The following EBLN2 variants were observed in gnomAD, a reference collection of about 807,000 sequenced individuals.
EBLN2 encodes the protein endogenous Bornavirus-like nucleoprotein 2.
For synonymous variants in EBLN2, 131 were observed against 113.6 expected, an observed-to-expected ratio of 1.15 and a Z score of -0.97; for missense variants, 397 against 324.2, an observed-to-expected ratio of 1.22 and a Z score of -1.72.
In EBLN2 at chr3:73,062,621, A is replaced by G. The variant is rs1053014590; in HGVS notation, c.540A>G (p.Ser180=). The change falls in exon 1 of 1, where the codon TCA becomes TCG. Residue 180 remains serine, a synonymous_variant. Coordinates refer to ENST00000533473, the MANE Select transcript of EBLN2 (RefSeq NM_018029.4). The part of the protein sequence containing the change: ...DMPNFIALEK[S]SVLRHCCDLL... ...CTAACTTTATTGCCCTTGAGAAGTC[A>G]TCAGTTCTCCGCCACTGCTGTGACC... is the stretch of plus-strand genomic sequence containing the variant. The G allele has an allele frequency of 6.2e-7, 1 of 1,614,032 alleles. No homozygotes were observed. Among genetic ancestry groups the G allele is most frequent in the Non-Finnish European group, 8.5e-7 (1 of 1,179,898 alleles).
At position 73,062,069 on chromosome 3, in the gene EBLN2, A is replaced by G. The variant is rs753124726; in HGVS notation, c.-13A>G. The G allele has an allele frequency of 2.6e-6, 4 of 1,513,374 alleles. No individual in the cohort carries two copies. The African/African-American group carries it at 5.6e-5, about 21-fold the overall frequency. The allele number at this position is 1,513,374 out of a possible 1,614,324, so 93.7% of individuals were successfully genotyped here. A position where few individuals can be genotyped will look rare whatever the true frequency, so the allele number is the denominator to read the frequency against. On this transcript the variant is annotated 5_prime_UTR_variant, in exon 1 of 1. Coordinates refer to ENST00000533473, the MANE Select transcript of EBLN2 (RefSeq NM_018029.4). ...TGGTAAAGAAGTGCAGAGTCAAGTC[A>G]TAGCGACTAATAATGGGTTATTTTC...
Position 73,062,890 on chromosome 3 carries a change from A to C in EBLN2, c.809A>C (p.Lys270Thr), listed in dbSNP as rs1559570399. The change falls in exon 1 of 1, where the codon AAG (lysine) becomes ACG (threonine). Residue 270 changes from lysine to threonine, a missense_variant. Transcript: ENST00000533473. ...GAATCCCCTCTACACAAGCTACGCAAGTCAAGTTAGTTGCCAAGAAAGCAC... is the reference window on the plus strand; with the variant it reads ...GAATCCCCTCTACACAAGCTACGCACGTCAAGTTAGTTGCCAAGAAAGCAC... ...DFESPLHKLR[K>T]SS is the part of the protein sequence containing the mutation. 1 of 1,611,362 alleles carries C rather than the reference A, an allele frequency of 6.2e-7. No homozygotes were observed. The highest frequency in any genetic ancestry group is 8.5e-7 in the Non-Finnish European group (1 of 1,179,008).
Position 73,062,268 on chromosome 3 carries a change from G to T in EBLN2, c.187G>T (p.Asp63Tyr). Reference sequence around the variant, plus strand: ...CTCACAGCCCAGCAGCCCAGGAGATGACGCAATGGACAGGAGTGGGCTCCC... The same window carrying T: ...CTCACAGCCCAGCAGCCCAGGAGATTACGCAATGGACAGGAGTGGGCTCCC... ...KDSQPSSPGD[D>Y]AMDRSGLPDL... Residue 63 changes from aspartate (D) to tyrosine (Y), a missense_variant, in exon 1 of 1, where the codon GAC (aspartate) becomes TAC (tyrosine). Physicochemically the swap from Asp to Tyr is radical, Grantham distance 160. Transcript: ENST00000533473. 2 of 1,603,064 alleles carry T rather than the reference G, an allele frequency of 1.2e-6. No individual in the cohort carries two copies. Among genetic ancestry groups the T allele is most frequent in the South Asian group, 2.3e-5 (2 of 88,834 alleles).
rs1442295733 is a variant in EBLN2 at position 73,063,257 on chromosome 3, G to C, written c.*357G>C. On this transcript the variant is annotated 3_prime_UTR_variant, in exon 1 of 1. Coordinates refer to ENST00000533473, the MANE Select transcript of EBLN2 (RefSeq NM_018029.4). ...GCATCTACCCCGTAAGATCTTGAGGGGGGAGTGTTGGGTGGAATCATAGAT... is the reference window on the plus strand; with the variant it reads ...GCATCTACCCCGTAAGATCTTGAGGCGGGAGTGTTGGGTGGAATCATAGAT... The C allele has an allele frequency of 3.4e-6, 1 of 296,686 alleles. No individual in the cohort carries two copies. The highest frequency in any genetic ancestry group is 4.5e-5 in the South Asian group (1 of 22,220). 18.4% of individuals were successfully genotyped at this position (296,686 alleles called of 1,614,324 possible).
At position 73,062,318 on chromosome 3, in the gene EBLN2, A is replaced by C; in HGVS notation, c.237A>C (p.Leu79=). 6.2e-7 allele frequency: 1 copy of C among 1,605,066 alleles called. No homozygotes were observed. Among genetic ancestry groups the C allele is most frequent in the Non-Finnish European group, 8.5e-7 (1 of 1,177,438 alleles). The part of the protein sequence containing the change: ...GLPDLQGRFE[L]SGKNRQYPLD... ...CTGACCTTCAAGGAAGATTTGAGCT[A>C]TCTGGGAAAAACAGACAGTATCCAC... Residue 79 remains leucine, a synonymous_variant, in exon 1 of 1, where the codon CTA becomes CTC. Transcript: ENST00000533473.
At position 73,063,091 on chromosome 3, in the gene EBLN2, G is replaced by T; in HGVS notation, c.*191G>T. ...GGGTGTACTTTGCCACCCCATTATT[G>T]GGGAGCTGTCACCACGAATGTTCCC... On this transcript the variant is annotated 3_prime_UTR_variant, in exon 1 of 1. Coordinates refer to ENST00000533473, the MANE Select transcript of EBLN2 (RefSeq NM_018029.4). 3.4e-6 allele frequency: 2 copies of T among 596,788 alleles called. No homozygotes were observed. The highest frequency in any genetic ancestry group is 1.9e-5 in the African/African-American group (1 of 52,068). The allele number at this position is 596,788 out of a possible 1,614,324, so 37.0% of individuals were successfully genotyped here.
At chr3:73,062,301 C>T in the EBLN2 span, 1 of 1,607,466 alleles carries the variant, frequency 6.2e-7, no homozygotes, top group Admixed American at 1.7e-5. Context: ...CCCTGACCTT[C>T]AAGGAAGATT....
At position 73,063,107 on chromosome 3, in the gene EBLN2, G is replaced by A. The variant is rs1389482329; in HGVS notation, c.*207G>A. On this transcript the variant is annotated 3_prime_UTR_variant, in exon 1 of 1. Coordinates refer to ENST00000533473, the MANE Select transcript of EBLN2 (RefSeq NM_018029.4). ...CCCATTATTGGGGAGCTGTCACCAC[G>A]AATGTTCCCAAACTTAGCAACAGCG... 3 of 563,514 alleles carry A rather than the reference G, an allele frequency of 5.3e-6. No homozygotes were observed. Among genetic ancestry groups the A allele is most frequent in the South Asian group, 2.4e-5 (1 of 41,550 alleles). The allele number at this position is 563,514 out of a possible 1,614,324, so 34.9% of individuals were successfully genotyped here.
rs367969878 is a variant in EBLN2 at position 73,062,468 on chromosome 3, G to A, written c.387G>A (p.Leu129=). ...CTGTGACCCCAAGTTTAGTATTCTT[G>A]TGTTTCATATTTGATGGGTTACACC... is the stretch of plus-strand genomic sequence containing the variant. The part of the protein sequence containing the change: ...FHPVTPSLVF[L]CFIFDGLHQA... The change falls in exon 1 of 1, where the codon TTG becomes TTA. Residue 129 remains leucine (L), a synonymous_variant. Transcript: ENST00000533473. 1 of 1,612,926 alleles carries A rather than the reference G, an allele frequency of 6.2e-7. No individual in the cohort carries two copies. The highest frequency in any genetic ancestry group is 1.1e-5 in the South Asian group (1 of 90,868).
rs1702894425 is a variant in EBLN2, at chr3:73,062,738, T to A, written c.657T>A (p.Ile219=). ...QRRFKAMMAS[I]GRLSHGESAD... is the part of the protein sequence containing the mutation. The stretch of plus-strand genomic sequence containing the variant: ...GATTCAAGGCAATGATGGCATCTAT[T>A]GGAAGACTTTCACATGGTGAGAGTG... Residue 219 remains isoleucine, a synonymous_variant, in exon 1 of 1, where the codon ATT becomes ATA. Transcript: ENST00000533473. The A allele has an allele frequency of 6.2e-7, 1 of 1,613,900 alleles. No homozygotes were observed. Among genetic ancestry groups the A allele is most frequent in the Admixed American group, 1.7e-5 (1 of 59,996 alleles).
the EBLN2 span, chr3:73,062,211 C>T: frequency 6.3e-7 from 1 of 1,588,106 alleles, no homozygotes; most frequent in African/African-American, 1.4e-5. Context: ...AAGTCGGAAC[C>T]AATTTTCCAC....
the EBLN2 span, chr3:73,062,334 C>T: frequency 6.2e-7 from 1 of 1,606,780 alleles, no homozygotes; most frequent in African/African-American, 1.3e-5. Context: ...GAAAAACAGA[C>T]AGTATCCACT....
rs1310031014 is a variant in EBLN2 at position 73,063,067 on chromosome 3, G to T, written c.*167G>T. On this transcript the variant is annotated 3_prime_UTR_variant, in exon 1 of 1. Coordinates refer to ENST00000533473, the MANE Select transcript of EBLN2 (RefSeq NM_018029.4). ...ATTGGGGAAATATTTTGAGTTTGGG[G>T]GTGTACTTTGCCACCCCATTATTGG... 1 of 683,564 alleles carries T rather than the reference G, an allele frequency of 1.5e-6. No homozygotes were observed. The highest frequency in any genetic ancestry group is 1.9e-5 in the African/African-American group (1 of 53,824). The allele number at this position is 683,564 out of a possible 1,614,324, so 42.3% of individuals were successfully genotyped here. A position where few individuals can be genotyped will look rare whatever the true frequency, so the allele number is the denominator to read the frequency against.
At position 73,062,109 on chromosome 3, in the gene EBLN2, T is replaced by C. The variant is rs751988798; in HGVS notation, c.28T>C (p.Tyr10His). 1.3e-6 allele frequency: 2 copies of C among 1,546,466 alleles called. No homozygotes were observed. Among genetic ancestry groups the C allele is most frequent in the South Asian group, 1.2e-5 (1 of 82,850 alleles). MGYFLKLYA[Y>H]VNSHSLFVWV... ...GGGTTATTTTCTTAAATTGTATGCTTATGTTAATTCTCACAGTCTTTTTGT... is the reference window on the plus strand; with the variant it reads ...GGGTTATTTTCTTAAATTGTATGCTCATGTTAATTCTCACAGTCTTTTTGT... Residue 10 changes from tyrosine to histidine, a missense_variant, in exon 1 of 1, where the codon TAT becomes CAT. Tyr to His is a moderately conservative substitution (Grantham distance 83, BLOSUM62 2). Coordinates refer to ENST00000533473, the MANE Select transcript of EBLN2 (RefSeq NM_018029.4).
rs1702887934 is a variant in EBLN2, at chr3:73,062,576, T to C, written c.495T>C (p.Ala165=). The C allele has an allele frequency of 6.2e-7, 1 of 1,613,896 alleles. No homozygotes were observed. Among genetic ancestry groups the C allele is most frequent in the Non-Finnish European group, 8.5e-7 (1 of 1,179,892 alleles). Residue 165 remains alanine, a synonymous_variant, in exon 1 of 1, where the codon GCT becomes GCC. Coordinates refer to ENST00000533473, the MANE Select transcript of EBLN2 (RefSeq NM_018029.4). ...NENEERGTPY[A]SRFKDMPNFI... ...ACGAGGAAAGGGGTACTCCTTATGCTAGCAGATTCAAAGATATGCCTAACT... is the reference window on the plus strand; with the variant it reads ...ACGAGGAAAGGGGTACTCCTTATGCCAGCAGATTCAAAGATATGCCTAACT...
rs1475818597 is a variant in EBLN2, at chr3:73,063,200, G to T, written c.*300G>T. ...TTTAAAGCTCCTGATGTTATACCAG[G>T]ATCAACCATCACACTCCCTTTGCTT... On this transcript the variant is annotated 3_prime_UTR_variant, in exon 1 of 1. Transcript: ENST00000533473. The T allele has an allele frequency of 7.7e-6, 3 of 390,402 alleles. No individual in the cohort carries two copies. Among genetic ancestry groups the T allele is most frequent in the Non-Finnish European group, 9.6e-6 (2 of 208,004 alleles). The allele number at this position is 390,402 out of a possible 1,614,324, so 24.2% of individuals were successfully genotyped here.
At position 73,063,221 on chromosome 3, in the gene EBLN2, T is replaced by A; in HGVS notation, c.*321T>A. The A allele has an allele frequency of 2.8e-6, 1 of 361,284 alleles. No homozygotes were observed. Among genetic ancestry groups the A allele is most frequent in the Middle Eastern group, 7.0e-4 (1 of 1,426 alleles). 22.4% of individuals were successfully genotyped at this position (361,284 alleles called of 1,614,324 possible). On this transcript the variant is annotated 3_prime_UTR_variant, in exon 1 of 1. Transcript: ENST00000533473. ...CCAGGATCAACCATCACACTCCCTTTGCTTCAAATGGCATCTACCCCGTAA... is the reference window on the plus strand; with the variant it reads ...CCAGGATCAACCATCACACTCCCTTAGCTTCAAATGGCATCTACCCCGTAA...
In EBLN2 at chr3:73,062,224, T is replaced by C; in HGVS notation, c.143T>C (p.Met48Thr). The change falls in exon 1 of 1, where the codon ATG becomes ACG. Residue 48 changes from methionine (M) to threonine (T), a missense_variant. Met to Thr is a moderately conservative substitution (Grantham distance 81). Coordinates refer to ENST00000533473, the MANE Select transcript of EBLN2 (RefSeq NM_018029.4). ...TTAAGTCGGAACCAATTTTCCACAATGTCTCATCTAAGAAAGGACTCACAG... is the reference window on the plus strand; with the variant it reads ...TTAAGTCGGAACCAATTTTCCACAACGTCTCATCTAAGAAAGGACTCACAG... ...KELSRNQFSTMSHLRKDSQPS... is the reference protein window; with the variant it reads ...KELSRNQFSTTSHLRKDSQPS... 6.3e-7 allele frequency: 1 copy of C among 1,595,928 alleles called. No individual in the cohort carries two copies. The highest frequency in any genetic ancestry group is 8.5e-7 in the Non-Finnish European group (1 of 1,174,252).
chr3:73,062,226 T>C lies in EBLN2; in HGVS notation c.145T>C (p.Ser49Pro). Residue 49 changes from serine (S) to proline (P), a missense_variant, in exon 1 of 1, where the codon TCT becomes CCT. Coordinates refer to ENST00000533473, the MANE Select transcript of EBLN2 (RefSeq NM_018029.4). ...AAGTCGGAACCAATTTTCCACAATGTCTCATCTAAGAAAGGACTCACAGCC... is the reference window on the plus strand; with the variant it reads ...AAGTCGGAACCAATTTTCCACAATGCCTCATCTAAGAAAGGACTCACAGCC... Reference protein sequence around the residue: ...ELSRNQFSTMSHLRKDSQPSS... With the variant: ...ELSRNQFSTMPHLRKDSQPSS... The C allele has an allele frequency of 1.3e-6, 2 of 1,596,654 alleles. No homozygotes were observed. The highest frequency in any genetic ancestry group is 8.5e-7 in the Non-Finnish European group (1 of 1,174,562).
Sources: gnomAD v4.1 joint callset for allele counts on GRCh38, gnomAD v4.1.1 for gene constraint, MANE v1.5 for transcripts, NCBI Gene and HGNC (gene_info 2026-07-23, HGNC 2026-07-21) for gene names.